DOCK7: variants seen among roughly 807,000 people sequenced by gnomAD.
DOCK7 encodes the protein dedicator of cytokinesis protein 7.
In DOCK7, 138 loss-of-function variants were observed where a neutral mutation model predicts 271.0. The observed-to-expected ratio is 0.51, with a 90% CI of 0.44 to 0.59. The LOEUF (loss-of-function observed/expected upper bound fraction) is 0.59, where lower values mean the gene tolerates loss of function less well. Among genes scored for constraint, DOCK7 ranks in the 20% least tolerant of loss-of-function variants. DOCK7 has a pLI of 0.00. For synonymous variants in DOCK7, 823 were observed against 876.1 expected, an observed-to-expected ratio of 0.94 and a Z score of 1.07; for missense variants, 2,066 against 2,592.4, an observed-to-expected ratio of 0.80 and a Z score of 4.41.
At chr1:62,575,334 T>C (rs1646913244) in intron 18 of DOCK7, among the ~76,000 whole-genome samples, 1 of 152,198 alleles carries the variant, frequency 6.6e-6, no homozygotes, top group Non-Finnish European at 1.5e-5. Flanking sequence ...GACCAATCCC[T>C]ACTCTTCCTC....
intron 14 of DOCK7, among the ~76,000 whole-genome samples, chr1:62,607,285 C>T (rs867217403): frequency 2.0e-5 from 3 of 152,160 alleles, no homozygotes; most frequent in South Asian, 2.1e-4. Context: ...CTCTTTCACA[C>T]CATCTTCCTC....
rs552433315 is a variant in DOCK7 at position 62,528,043 on chromosome 1, T to C, written c.3936+108A>G. On this transcript the variant is annotated intron_variant, in intron 31 of 49. Transcript: ENST00000635253. ...ACTTTAATATTTTCATAAATAAAAC[T>C]GAGCACTTTTGCATCAGCTGATACA... 2.2e-3 allele frequency: 2,466 copies of C among 1,144,704 alleles called. 8 individuals are homozygous for C. The highest frequency in any genetic ancestry group is 2.7e-3 in the Non-Finnish European group (2,274 of 846,038). 70.9% of individuals were successfully genotyped at this position (1,144,704 alleles called of 1,614,324 possible). A position where few individuals can be genotyped will look rare whatever the true frequency, so the allele number is the denominator to read the frequency against.
chr1:62,542,486 G>A (rs1007589979), intron 25 of DOCK7, 122 bp downstream of exon 25: 1 of 871,486 alleles, frequency 1.1e-6, no homozygotes, highest in African/African-American at 1.7e-5. Context: ...TTTTGTCTTA[G>A]AGGCACATGG....
chr1:62,529,488 C>T, intron 29 of DOCK7, 42 bp from the exon 30 acceptor site: 1 of 1,488,808 alleles, frequency 6.7e-7, no homozygotes. Context: ...AGCAGTAAGG[C>T]CACAGAGATT....
intron 48 of DOCK7, among the ~76,000 whole-genome samples, chr1:62,464,452 C>A (rs530567186): frequency 6.6e-6 from 1 of 150,892 alleles, no homozygotes; most frequent in East Asian, 2.0e-4. Context: ...GAGGCTGAGG[C>A]AGGTGGATCA....
chr1:62,566,774 A>G (rs2149455136), intron 18 of DOCK7, among the ~76,000 whole-genome samples: 1 of 152,352 alleles, frequency 6.6e-6, no homozygotes, highest in African/African-American at 2.4e-5. Context: ...ACAAAATGGG[A>G]GAAAATTTTT....
In DOCK7 at chr1:62,688,371, T is replaced by C. The variant is rs1662111396; in HGVS notation, c.-107A>G. ...CTCCCTCCCTCGCGGCCTCCGCCAG[T>C]CCGGGCTCCGGACCTGGGAGGCTGG... On this transcript the variant is annotated 5_prime_UTR_variant, in exon 1 of 50. Transcript: ENST00000635253. 1.5e-6 allele frequency: 1 copy of C among 683,760 alleles called. No homozygotes were observed. The allele number at this position is 683,760 out of a possible 1,614,324, so 42.4% of individuals were successfully genotyped here.
rs530138878 is a variant in DOCK7 at position 62,513,459 on chromosome 1, T to C, written c.4267A>G (p.Ile1423Val). ...RSRGQLGTYT[I>V]ASPPERSPSG... ...AAATTCTCACCAGGAGGAGAAGCTA[T>C]TGTGTACGTACCGAGCTGTCCTCGG... Residue 1423 changes from isoleucine to valine, a missense_variant, in exon 33 of 50, where the codon ATA (isoleucine) becomes GTA (valine). Ile to Val is a conservative substitution (Grantham distance 29). Around this residue, in one of 2 missense-constraint regions of DOCK7, gnomAD observed 652 missense variants for 922.1 expected, o/e 0.71. Transcript: ENST00000635253. The C allele has an allele frequency of 1.9e-6, 3 of 1,602,368 alleles. No individual in the cohort carries two copies. In the South Asian group the frequency reaches 3.4e-5, roughly 18 times the overall value.
At chr1:62,460,098 C>CAAAAA (rs71053316) in intron 48 of DOCK7, among the ~76,000 whole-genome samples, 3 of 66,016 alleles carry the variant, frequency 4.5e-5, no homozygotes, top group African/African-American at 6.2e-5. Flanking sequence ...AGACTCGTCT[C>CAAAAA]AAAAAAAAAA....
intron 48 of DOCK7, among the ~76,000 whole-genome samples, chr1:62,459,729 A>C (rs1203286302): frequency 6.6e-6 from 1 of 152,148 alleles, no homozygotes; most frequent in Admixed American, 6.6e-5. Flanking sequence ...ATCTATCTAC[A>C]AAGAAAACAC....
chr1:62,463,284 C>T (rs1345429079), intron 48 of DOCK7, among the ~76,000 whole-genome samples: 6 of 152,158 alleles, frequency 3.9e-5, no homozygotes, highest in Non-Finnish European at 8.8e-5. Flanking sequence ...TATCATTTCA[C>T]ATCCACTAGT....
intron 14 of DOCK7, among the ~76,000 whole-genome samples, chr1:62,615,389 C>T (rs925060586): frequency 1.3e-5 from 2 of 151,778 alleles, no homozygotes; most frequent in Admixed American, 1.3e-4. Context: ...GTACTTGCTA[C>T]TAACAGAGCA....
intron 14 of DOCK7, among the ~76,000 whole-genome samples, chr1:62,587,218 A>T (rs1647667983): frequency 6.6e-6 from 1 of 151,338 alleles, no homozygotes; most frequent in Non-Finnish European, 1.5e-5. Context: ...CCAGCTCATC[A>T]TCTCTATCAT....
intron 43 of DOCK7, chr1:62,486,782 T>C (rs1487175907): frequency 6.6e-6 from 1 of 152,148 alleles, no homozygotes; most frequent in South Asian, 2.1e-4. Context: ...GTAGTGCTCA[T>C]AGTCAAGGTG....
intron 27 of DOCK7, 106 bp downstream of exon 27, chr1:62,539,439 C>A: frequency 1.1e-6 from 1 of 912,716 alleles, no homozygotes; most frequent in Admixed American, 2.7e-5. Flanking sequence ...TTTGTTTTAA[C>A]ATCAGTATAT....
chr1:62,515,232 C>A (rs1644627325), intron 31 of DOCK7, among the ~76,000 whole-genome samples: 1 of 151,932 alleles, frequency 6.6e-6, no homozygotes, highest in South Asian at 2.1e-4. Flanking sequence ...GAGACACAAG[C>A]TCCAAGCTCA....
intron 48 of DOCK7, among the ~76,000 whole-genome samples, chr1:62,467,064 A>G (rs549372392): frequency 6.6e-6 from 1 of 152,364 alleles, no homozygotes; most frequent in East Asian, 1.9e-4. Context: ...ATTCATAGAA[A>G]GGAGTGTCAG....
intron 15 of DOCK7, among the ~76,000 whole-genome samples, chr1:62,585,191 C>T (rs1300976118): frequency 6.6e-6 from 1 of 151,706 alleles, no homozygotes; most frequent in Admixed American, 6.6e-5. Context: ...GAAAAAAATG[C>T]CATACGAGAA....
At chr1:62,626,089 AT>A (rs1232915047) in intron 11 of DOCK7, among the ~76,000 whole-genome samples, 1 of 152,204 alleles carries the variant, frequency 6.6e-6, no homozygotes, top group East Asian at 1.9e-4. Context: ...ACAGAAGAAA[AT>A]TTGGGGAATT....
Sources: gnomAD v4.1 joint callset for allele counts (sites outside exome capture counted in the v4.1 genomes callset) on GRCh38, gnomAD v4.1.1 for gene constraint, gnomAD v4.1.1 regional missense constraint, MANE v1.5 for transcripts, NCBI Gene and HGNC (gene_info 2026-07-23, HGNC 2026-07-21) for gene names.